The following SIPA1L1 variants were observed in gnomAD, a reference collection of about 807,000 sequenced individuals.
The protein encoded by SIPA1L1 is signal-induced proliferation-associated 1-like protein 1.
In SIPA1L1, 26 loss-of-function variants were observed where a neutral mutation model predicts 162.7. That is an observed-to-expected ratio of 0.16 (90% confidence interval 0.12 to 0.22). The LOEUF (loss-of-function observed/expected upper bound fraction) is 0.22. Among genes scored for constraint, SIPA1L1 ranks in the 10% least tolerant of loss-of-function variants. The pLI is 1.00. For synonymous variants in SIPA1L1, 829 were observed against 837.4 expected (o/e 0.99, Z 0.17); for missense variants, 1,874 against 2,241.0 (o/e 0.84, Z 3.31).
chr14:71,670,187 A>T lies in SIPA1L1; in HGVS notation c.2256-932A>T, dbSNP rs186654600. Among the ~76,000 whole-genome samples, 22 of 152,316 alleles carry T rather than the reference A, an allele frequency of 1.4e-4. No homozygotes were observed. The East Asian group carries it at 4.2e-3, about 29-fold the overall frequency. On this transcript the variant is annotated intron_variant, in intron 10 of 23. Transcript: ENST00000381232. ...AAAATCTTGGGAAATGATATAAAAC[A>T]CTCAACCTCTCTATTTCTATATCAA...
rs573832478 is a variant in SIPA1L1 at position 71,699,605 on chromosome 14, C to T, written c.3521+478C>T. 9.2e-5 allele frequency among the ~76,000 whole-genome samples: 14 copies of T among 152,178 alleles called. No homozygotes were observed. The East Asian group carries it at 1.4e-3, about 15-fold the overall frequency. ...CAGGGCAGGTCCAAAGAGAGGGCCCCGGTAAATGAGGAGTTTGGAGACCAT... is the reference window on the plus strand; with the variant it reads ...CAGGGCAGGTCCAAAGAGAGGGCCCTGGTAAATGAGGAGTTTGGAGACCAT... On this transcript the variant is annotated intron_variant, in intron 14 of 23. Coordinates refer to ENST00000381232, the MANE Select transcript of SIPA1L1 (RefSeq NM_001386936.1).
intron 5 of SIPA1L1, among the ~76,000 whole-genome samples, chr14:71,609,591 C>T (rs990089487): frequency 1.3e-5 from 2 of 151,998 alleles, no homozygotes; most frequent in Admixed American, 6.6e-5. Flanking sequence ...CTCAGCCTCT[C>T]AAGTAGCTGG....
chr14:71,418,180 T>G (rs1182528827), intron 2 of SIPA1L1: 1 of 152,202 alleles, frequency 6.6e-6, no homozygotes, highest in Non-Finnish European at 1.5e-5. Flanking sequence ...TTTAAACTCA[T>G]TCTACTGGAG....
intron 4 of SIPA1L1, among the ~76,000 whole-genome samples, chr14:71,546,122 G>GT (rs543087210): frequency 1.2e-3 from 177 of 152,112 alleles, no homozygotes; most frequent in African/African-American, 4.0e-3. Flanking sequence ...TCATACTTAG[G>GT]TTTTTTACAC....
chr14:71,386,492 G>A (rs1566959278), intron 2 of SIPA1L1, among the ~76,000 whole-genome samples: 1 of 152,126 alleles, frequency 6.6e-6, no homozygotes. Context: ...ACAATACTTT[G>A]CATCCTTCAA....
chr14:71,489,092 T>G (rs1428795773), intron 2 of SIPA1L1, among the ~76,000 whole-genome samples: 4 of 152,224 alleles, frequency 2.6e-5, no homozygotes, highest in African/African-American at 9.6e-5. Flanking sequence ...CTTAAACTGC[T>G]TAGGAGTCCA....
chr14:71,622,049 C>T (rs114402787), intron 6 of SIPA1L1, among the ~76,000 whole-genome samples: 3,170 of 152,184 alleles, frequency 0.021, 110 homozygotes, highest in African/African-American at 0.072. Context: ...CACTGAAGCC[C>T]ATTTACCTAT....
intron 12 of SIPA1L1, 115 bp from the exon 13 acceptor site, chr14:71,685,247 A>G: frequency 8.5e-7 from 1 of 1,181,048 alleles, no homozygotes; most frequent in Non-Finnish European, 1.2e-6. Flanking sequence ...AGGTGGTTTG[A>G]AACAGAGGGT....
chr14:71,734,094 C>T (rs1411605080), intron 21 of SIPA1L1, among the ~76,000 whole-genome samples: 2 of 152,238 alleles, frequency 1.3e-5, no homozygotes, highest in Non-Finnish European at 2.9e-5. Context: ...CCCAGCTGTC[C>T]CTTGACTAAA....
chr14:71,627,427 G>A (rs1355853653), intron 7 of SIPA1L1, among the ~76,000 whole-genome samples: 2 of 152,018 alleles, frequency 1.3e-5, no homozygotes, highest in Non-Finnish European at 2.9e-5. Flanking sequence ...AATTACAGAT[G>A]TGAGCCACCA....
intron 4 of SIPA1L1, among the ~76,000 whole-genome samples, chr14:71,557,420 G>C (rs907760538): frequency 1.3e-5 from 2 of 152,096 alleles, no homozygotes; most frequent in Non-Finnish European, 2.9e-5. Flanking sequence ...CATAAGAAAA[G>C]AAATCCACTA....
chr14:71,711,442 G>A (rs559434439), intron 17 of SIPA1L1, among the ~76,000 whole-genome samples: 1 of 152,316 alleles, frequency 6.6e-6, no homozygotes, highest in East Asian at 1.9e-4. Context: ...AGTTTAGTTT[G>A]ACTCCTATTT....
At chr14:71,724,574 A>G (rs2084051547) in intron 18 of SIPA1L1, 96 bp from the exon 19 acceptor site, 3 of 898,112 alleles carry the variant, frequency 3.3e-6, no homozygotes, top group African/African-American at 1.7e-5. Flanking sequence ...ATATTTCTCT[A>G]TTGACTTATA....
intron 19 of SIPA1L1, among the ~76,000 whole-genome samples, chr14:71,725,635 C>CT (rs2084165295): frequency 2.6e-5 from 4 of 152,174 alleles, no homozygotes; most frequent in Non-Finnish European, 5.9e-5. Context: ...AGGCTCTCTC[C>CT]TTTCTTGTTC....
intron 2 of SIPA1L1, among the ~76,000 whole-genome samples, chr14:71,438,418 A>T (rs751734867): frequency 4.6e-5 from 7 of 152,078 alleles, no homozygotes; most frequent in Non-Finnish European, 8.8e-5. Flanking sequence ...CACATAATGA[A>T]TCCTGTTCTC....
intron 4 of SIPA1L1, chr14:71,575,200 C>A (rs1185293616): frequency 6.6e-6 from 1 of 152,150 alleles, no homozygotes; most frequent in Non-Finnish European, 1.5e-5. Flanking sequence ...CACCCCTTTG[C>A]CTTTCTTTTT....
chr14:71,649,620 C>T (rs980929212), intron 7 of SIPA1L1, among the ~76,000 whole-genome samples: 1 of 152,132 alleles, frequency 6.6e-6, no homozygotes, highest in African/African-American at 2.4e-5. Context: ...ATAAGTAAAT[C>T]TCTTAATCCT....
intron 2 of SIPA1L1, among the ~76,000 whole-genome samples, chr14:71,469,588 G>C (rs1262450749): frequency 6.6e-6 from 1 of 152,166 alleles, no homozygotes; most frequent in Admixed American, 6.5e-5. Flanking sequence ...TATCTAATGT[G>C]CATGCTGTTA....
At chr14:71,349,095 A>G (rs891479216) in intron 2 of SIPA1L1, among the ~76,000 whole-genome samples, 7 of 152,382 alleles carry the variant, frequency 4.6e-5, no homozygotes, top group Admixed American at 1.3e-4. Context: ...AAAGTTATAT[A>G]TGACGTGGGA....
Sources: allele counts gnomAD v4.1 joint callset (sites outside exome capture counted in the v4.1 genomes callset), GRCh38; gene constraint gnomAD v4.1.1; transcripts MANE v1.5; gene names NCBI Gene and HGNC (gene_info 2026-07-23, HGNC 2026-07-21).